Variants in TBXAS1 observed in about 807,000 individuals in gnomAD.
TBXAS1 encodes thromboxane-A synthase.
Under a neutral mutation model 60.7 loss-of-function variants are expected in TBXAS1, and 48 were observed. That is an observed-to-expected ratio of 0.79 (90% CI 0.63 to 1.01). TBXAS1 has a LOEUF of 1.01. Among genes scored for constraint, TBXAS1 ranks in the 50% least tolerant of loss-of-function variants. The pLI is 0.00. For synonymous variants in TBXAS1, 287 were observed against 269.7 expected, an observed-to-expected ratio of 1.06 and a Z score of -0.63; for missense variants, 685 against 686.3, an observed-to-expected ratio of 1.00 and a Z score of 0.02.
Position 139,822,205 on chromosome 7 carries a change from C to T in TBXAS1, c.-79-7107C>T, listed in dbSNP as rs373533647. 3.9e-5 allele frequency among the ~76,000 whole-genome samples: 6 copies of T among 152,146 alleles called. No homozygotes were observed. In the East Asian group the frequency reaches 1.2e-3, roughly 29 times the overall value. On this transcript the variant is annotated intron_variant, in intron 4 of 16. Coordinates refer to the TBXAS1 transcript ENST00000336425. ...GAAAACAAAAAGCTGCATCCTTAAGCAGTAAAATAAGGTTCCTCAGCTAAT... is the reference window on the plus strand; with the variant it reads ...GAAAACAAAAAGCTGCATCCTTAAGTAGTAAAATAAGGTTCCTCAGCTAAT...
chr7:139,986,753 ATATGTG>A (rs1569522751), intron 9 of TBXAS1, among the ~76,000 whole-genome samples: 22 of 52,264 alleles, frequency 4.2e-4, no homozygotes, highest in African/African-American at 1.4e-3. Flanking sequence ...ACATATATAT[ATATGTG>A]TGTGTGTGTG....
chr7:139,935,265 A>G (rs1313820441), intron 4 of TBXAS1, among the ~76,000 whole-genome samples: 1 of 152,210 alleles, frequency 6.6e-6, no homozygotes, highest in Non-Finnish European at 1.5e-5. Flanking sequence ...CATATAACCT[A>G]TGTACATCCT....
chr7:139,790,837 G>T (rs559675516), intron 4 of TBXAS1, among the ~76,000 whole-genome samples: 65 of 152,242 alleles, frequency 4.3e-4, no homozygotes, highest in African/African-American at 1.5e-3. Context: ...GGGTCTCACT[G>T]TGTCACCCAG....
At chr7:139,941,223 C>A (rs968573095) in intron 5 of TBXAS1, among the ~76,000 whole-genome samples, 3 of 152,122 alleles carry the variant, frequency 2.0e-5, no homozygotes, top group African/African-American at 7.2e-5. Flanking sequence ...AAGTTTGTTT[C>A]CCCTTGGAAT....
At chr7:139,977,727 C>G (rs1036270316) in intron 9 of TBXAS1, among the ~76,000 whole-genome samples, 2 of 152,118 alleles carry the variant, frequency 1.3e-5, no homozygotes, top group African/African-American at 4.8e-5. Context: ...TTGATGATTC[C>G]CCAGCCTGGC....
intron 3 of TBXAS1, among the ~76,000 whole-genome samples, chr7:139,906,993 T>G (rs904251789): frequency 6.6e-6 from 1 of 152,222 alleles, no homozygotes; most frequent in Non-Finnish European, 1.5e-5. Flanking sequence ...ATAGGGACAA[T>G]TTTATTTATT....
intron 9 of TBXAS1, among the ~76,000 whole-genome samples, chr7:139,967,414 A>G (rs1234750976): frequency 6.6e-6 from 1 of 152,208 alleles, no homozygotes; most frequent in African/African-American, 2.4e-5. Flanking sequence ...CCCTAGGCCA[A>G]TGACTCCTTG....
At chr7:139,881,407 A>T in intron 3 of TBXAS1, among the ~76,000 whole-genome samples, 1 of 152,046 alleles carries the variant, frequency 6.6e-6, no homozygotes, top group East Asian at 1.9e-4. Context: ...AGAATGTTTG[A>T]TATATCAGGA....
At chr7:139,954,665 A>G (rs996571466) in intron 6 of TBXAS1, among the ~76,000 whole-genome samples, 1 of 152,244 alleles carries the variant, frequency 6.6e-6, no homozygotes, top group African/African-American at 2.4e-5. Context: ...TTGGAAAAGA[A>G]CTTAATCTGA....
chr7:140,014,356 A>G (rs1176215013), intron 10 of TBXAS1, among the ~76,000 whole-genome samples: 1 of 152,050 alleles, frequency 6.6e-6, no homozygotes, highest in Non-Finnish European at 1.5e-5. Flanking sequence ...GATTCTGTGG[A>G]CCGCCCAGGG....
At chr7:139,993,800 T>G (rs995799279) in intron 9 of TBXAS1, among the ~76,000 whole-genome samples, 3 of 152,170 alleles carry the variant, frequency 2.0e-5, no homozygotes, top group Non-Finnish European at 4.4e-5. Flanking sequence ...GCAAGTCACT[T>G]CACCTCTCTG....
chr7:139,905,008 T>G (rs927207959), intron 3 of TBXAS1, among the ~76,000 whole-genome samples: 8 of 61,428 alleles, frequency 1.3e-4, no homozygotes, highest in African/African-American at 6.4e-4. Flanking sequence ...TCTTTCTCTC[T>G]TTCTTTCTTT....
At chr7:139,842,830 C>T (rs542422922) in intron 1 of TBXAS1, among the ~76,000 whole-genome samples, 90 of 152,352 alleles carry the variant, frequency 5.9e-4, no homozygotes, top group African/African-American at 1.8e-3. Flanking sequence ...TCTTAGGTTT[C>T]GCTTGAGCAG....
chr7:139,791,039 A>G (rs965393467), intron 4 of TBXAS1, among the ~76,000 whole-genome samples: 1 of 152,162 alleles, frequency 6.6e-6, no homozygotes, highest in African/African-American at 2.4e-5. Context: ...CTTGAGCCCA[A>G]GCCATCCTCC....
intron 9 of TBXAS1, among the ~76,000 whole-genome samples, chr7:139,972,010 T>A (rs1811232361): frequency 6.6e-6 from 1 of 152,156 alleles, no homozygotes; most frequent in Admixed American, 6.5e-5. Flanking sequence ...AAGACCCACA[T>A]GCCTGCAATG....
chr7:139,976,461 T>C (rs1445576098), intron 9 of TBXAS1, among the ~76,000 whole-genome samples: 2 of 152,274 alleles, frequency 1.3e-5, no homozygotes, highest in African/African-American at 4.8e-5. Context: ...TTGGTTTGAA[T>C]GGGGAATCAA....
At chr7:139,940,983 A>G (rs1584907697) in intron 5 of TBXAS1, among the ~76,000 whole-genome samples, 1 of 152,200 alleles carries the variant, frequency 6.6e-6, no homozygotes, top group African/African-American at 2.4e-5. Flanking sequence ...TCACCAATAT[A>G]TATACACATA....
chr7:139,977,141 A>G (rs1438420878), intron 9 of TBXAS1, among the ~76,000 whole-genome samples: 1 of 152,184 alleles, frequency 6.6e-6, no homozygotes, highest in African/African-American at 2.4e-5. Flanking sequence ...TGGTCTATGC[A>G]TCGACTCTAG....
rs5767 is a variant in TBXAS1, at chr7:139,936,176, G to A, written c.334-15G>A. On this transcript the variant is annotated splice_polypyrimidine_tract_variant and intron_variant, in intron 4 of 12. Transcript: ENST00000448866. ...CTCCCTGAGTCCTGACCCTCTGCTT[G>A]TTACTTCCCAACAGGCGTCGGGTTT... The A allele has an allele frequency of 1.4e-4, 229 of 1,614,018 alleles. 1 individual carries two copies. The African/African-American group carries it at 2.6e-3, about 18-fold the overall frequency.
Sources: gnomAD v4.1 joint callset for allele counts (sites outside exome capture counted in the v4.1 genomes callset) on GRCh38, gnomAD v4.1.1 for gene constraint, MANE v1.5 for transcripts, NCBI Gene and HGNC (gene_info 2026-07-23, HGNC 2026-07-21) for gene names.